The following DPP6 variants were observed in gnomAD, a reference collection of about 807,000 sequenced individuals.
The protein encoded by DPP6 is dipeptidyl peptidase like 6.
In DPP6, 69 loss-of-function variants were observed where a neutral mutation model predicts 122.6. The ratio of observed to expected loss-of-function variants is 0.56; its 90% confidence interval spans 0.46 to 0.69. DPP6 has a LOEUF of 0.69. Among genes scored for constraint, DPP6 ranks in the 30% least tolerant of loss-of-function variants. The pLI is 0.00. For missense variants in DPP6, 928 were observed against 1,116.9 expected (o/e 0.83, Z 2.41); for synonymous variants, 418 against 433.1 (o/e 0.97, Z 0.43).
At chr7:154,298,574 G>A (rs1466106850) in intron 1 of DPP6, among the ~76,000 whole-genome samples, 1 of 152,156 alleles carries the variant, frequency 6.6e-6, no homozygotes, top group African/African-American at 2.4e-5. Context: ...CCCACTTCTA[G>A]TTCAAGAGAT....
chr7:153,867,889 T>C, the DPP6 span, among the ~76,000 whole-genome samples: 1 of 152,224 alleles, frequency 6.6e-6, no homozygotes, highest in Non-Finnish European at 1.5e-5. Flanking sequence ...AAAGGCCTTT[T>C]ATGCATCTAT....
At chr7:154,414,976 A>G (rs944562124) in intron 1 of DPP6, among the ~76,000 whole-genome samples, 3 of 152,190 alleles carry the variant, frequency 2.0e-5, no homozygotes, top group African/African-American at 7.2e-5. Flanking sequence ...GAAGGGAGTG[A>G]GTAGCAAGAG....
At chr7:153,818,834 C>A in the DPP6 span, among the ~76,000 whole-genome samples, 1 of 151,966 alleles carries the variant, frequency 6.6e-6, no homozygotes, top group East Asian at 1.9e-4. Flanking sequence ...TCACTGCAAC[C>A]TCTGCCTCCC....
intron 16 of DPP6, among the ~76,000 whole-genome samples, chr7:154,819,217 C>T (rs1799609242): frequency 6.6e-6 from 1 of 152,146 alleles, no homozygotes; most frequent in Non-Finnish European, 1.5e-5. Flanking sequence ...GAATTCAAGA[C>T]CAGCCTGGCC....
chr7:154,154,054 G>A (rs1382223940), intron 1 of DPP6, among the ~76,000 whole-genome samples: 1 of 152,250 alleles, frequency 6.6e-6, no homozygotes, highest in African/African-American at 2.4e-5. Context: ...CCATCAGCCA[G>A]GAGGTGACAG....
At chr7:154,469,982 C>T (rs138716717) in intron 2 of DPP6, among the ~76,000 whole-genome samples, 1 of 152,144 alleles carries the variant, frequency 6.6e-6, no homozygotes, top group Non-Finnish European at 1.5e-5. Flanking sequence ...ATGGTACCGA[C>T]GTTGGAAAAT....
chr7:153,862,034 C>T, the DPP6 span, among the ~76,000 whole-genome samples: 8 of 152,218 alleles, frequency 5.3e-5, no homozygotes, highest in Non-Finnish European at 5.9e-5. Context: ...AACAGCAAAC[C>T]GTCCTTGAGA....
the DPP6 span, among the ~76,000 whole-genome samples, chr7:153,833,446 G>C: frequency 6.6e-6 from 1 of 152,198 alleles, no homozygotes; most frequent in South Asian, 2.1e-4. Flanking sequence ...GGCTGAGGCG[G>C]GCGGATCACT....
chr7:154,659,265 A>G (rs1361797270), intron 6 of DPP6, among the ~76,000 whole-genome samples: 1 of 152,246 alleles, frequency 6.6e-6, no homozygotes, highest in Non-Finnish European at 1.5e-5. Context: ...AGTTCCATAG[A>G]GTAAACTTGT....
intron 7 of DPP6, among the ~76,000 whole-genome samples, chr7:154,698,569 A>G (rs1348159410): frequency 1.3e-5 from 2 of 152,228 alleles, no homozygotes; most frequent in Non-Finnish European, 1.5e-5. Flanking sequence ...ATAGCTATTT[A>G]AATCAGCATA....
chr7:154,313,731 A>G lies in DPP6; in HGVS notation c.244-132483A>G, dbSNP rs548796227. 2.6e-4 allele frequency among the ~76,000 whole-genome samples: 13 copies of G among 49,310 alleles called. 3 individuals are homozygous for G. The South Asian group carries it at 7.8e-3, about 30-fold the overall frequency. The allele number at this position is 49,310 out of a possible 152,430, so 32.3% of individuals were successfully genotyped here. On this transcript the variant is annotated intron_variant, in intron 1 of 25. Transcript: ENST00000377770. ...TATATATATACACACACACGCACGC[A>G]CACACACACACACACACACACCCTT...
At chr7:154,304,774 C>G (rs953494245) in intron 1 of DPP6, among the ~76,000 whole-genome samples, 8 of 152,238 alleles carry the variant, frequency 5.3e-5, no homozygotes, top group Admixed American at 5.2e-4. Flanking sequence ...TGCCTGCCTC[C>G]GGTGCTCCCA....
intron 7 of DPP6, among the ~76,000 whole-genome samples, chr7:154,705,106 G>A (rs1420962584): frequency 6.6e-6 from 1 of 152,190 alleles, no homozygotes; most frequent in African/African-American, 2.4e-5. Flanking sequence ...CCTGGTACAA[G>A]GAAAAGCTCA....
intron 3 of DPP6, among the ~76,000 whole-genome samples, chr7:154,476,857 C>T (rs937048557): frequency 3.3e-5 from 5 of 152,004 alleles, no homozygotes; most frequent in African/African-American, 4.8e-5. Context: ...TTTGGGAAGC[C>T]GAGGCAGGCA....
chr7:154,184,162 C>T lies in DPP6; in HGVS notation c.243+131099C>T, dbSNP rs1255318088. Among the ~76,000 whole-genome samples, 3 of 151,702 alleles carry T rather than the reference C, an allele frequency of 2.0e-5. No individual in the cohort carries two copies. The East Asian group carries it at 5.8e-4, about 29-fold the overall frequency. ...GCCCAGGCACAGTGAGGACCCTCAG[C>T]ATCAGGCAATGATTTTGAGTTGAGA... On this transcript the variant is annotated intron_variant, in intron 1 of 25. Transcript: ENST00000377770.
At chr7:154,513,005 A>C (rs1387159042) in intron 3 of DPP6, among the ~76,000 whole-genome samples, 1 of 152,170 alleles carries the variant, frequency 6.6e-6, no homozygotes, top group Non-Finnish European at 1.5e-5. Flanking sequence ...TGAGAATAAA[A>C]ATACAATCTA....
intron 3 of DPP6, among the ~76,000 whole-genome samples, chr7:154,515,905 G>A (rs1425927799): frequency 6.6e-6 from 1 of 152,158 alleles, no homozygotes; most frequent in African/African-American, 2.4e-5. Context: ...CATCAATTTT[G>A]TTGTGTGGGA....
intron 6 of DPP6, among the ~76,000 whole-genome samples, chr7:154,646,925 G>T (rs1836521786): frequency 6.6e-6 from 1 of 152,162 alleles, no homozygotes; most frequent in Non-Finnish European, 1.5e-5. Context: ...CTTTTCAGTG[G>T]AATCATTTAG....
rs370168745 is a variant in DPP6, at chr7:154,262,474, G to A, written c.244-183740G>A. On this transcript the variant is annotated intron_variant, in intron 1 of 25. Coordinates refer to ENST00000377770, the MANE Select transcript of DPP6 (RefSeq NM_130797.4). ...TGTGAGGACACAGTGAGAAGGTGCC[G>A]TCTGCAAGCCAGGGAGAGAGGCCTC... 4.5e-4 allele frequency among the ~76,000 whole-genome samples: 69 copies of A among 152,200 alleles called. No individual in the cohort carries two copies. In the East Asian group the frequency reaches 6.2e-3, roughly 14 times the overall value.
Sources: gnomAD v4.1 joint callset for allele counts (sites outside exome capture counted in the v4.1 genomes callset) on GRCh38, gnomAD v4.1.1 for gene constraint, MANE v1.5 for transcripts, NCBI Gene and HGNC (gene_info 2026-07-23, HGNC 2026-07-21) for gene names.